The following RNF212B variants were observed in gnomAD, a reference collection of about 807,000 sequenced individuals.
The protein encoded by RNF212B is E3 ubiquitin-protein ligase RNF212B.
RNF212B carries 52 observed loss-of-function variants against 55.5 expected under a neutral mutation model. That is an observed-to-expected ratio of 0.94 (90% CI 0.75 to 1.18). The LOEUF (loss-of-function observed/expected upper bound fraction) is 1.18, where lower values mean the gene tolerates loss of function less well. Ranked by LOEUF, RNF212B falls within the 50% of genes most tolerant of loss-of-function variation. The pLI is 0.00. For synonymous variants in RNF212B, 99 were observed against 121.4 expected (o/e 0.82, Z 1.21); for missense variants, 289 against 350.4 (o/e 0.82, Z 1.40).
chr14:23,207,806 G>T (rs1879994279), intron 2 of RNF212B, among the ~76,000 whole-genome samples: 1 of 152,154 alleles, frequency 6.6e-6, no homozygotes, highest in Non-Finnish European at 1.5e-5. Flanking sequence ...GGTGGTCGGG[G>T]TACAGCTTAG....
intron 2 of RNF212B, among the ~76,000 whole-genome samples, chr14:23,206,221 C>T (rs35188230): frequency 0.12 from 18,022 of 152,058 alleles, 1,341 homozygotes; most frequent in East Asian, 0.35. Flanking sequence ...ATTATAGGTG[C>T]ACACCACCAT....
rs372974382 is a variant in RNF212B at position 23,257,014 on chromosome 14, G to A, written c.229-1535G>A. Among the ~76,000 whole-genome samples the A allele has an allele frequency of 1.8e-4, 28 of 152,106 alleles. No individual in the cohort carries two copies. In the East Asian group the frequency reaches 4.9e-3, roughly 26 times the overall value. On this transcript the variant is annotated intron_variant, in intron 4 of 14. Coordinates refer to ENST00000430154, the MANE Select transcript of RNF212B (RefSeq NM_001282322.3). The stretch of plus-strand genomic sequence containing the variant: ...TTAAAAATACAAATATTAGCCAGGC[G>A]TGGTGGCGGACGCCTGTAATCCCAG...
intron 2 of RNF212B, among the ~76,000 whole-genome samples, chr14:23,229,234 ATATATATATATAT>A (rs1882327675): frequency 3.0e-5 from 2 of 67,112 alleles, no homozygotes; most frequent in African/African-American, 1.0e-4. Flanking sequence ...ATATATATAT[ATATATATATATAT>A]ATATATATAT....
intron 2 of RNF212B, among the ~76,000 whole-genome samples, chr14:23,220,234 A>C (rs893805627): frequency 3.0e-5 from 4 of 134,292 alleles, no homozygotes; most frequent in African/African-American, 8.0e-5. Context: ...AAACAAAAAC[A>C]AAAACCATAC....
chr14:23,268,964 G>T lies in RNF212B; in HGVS notation c.674+1G>T, dbSNP rs1292031685. 6.5e-7 allele frequency: 1 copy of T among 1,549,174 alleles called. No individual in the cohort carries two copies. The highest frequency in any genetic ancestry group is 2.0e-5 in the Admixed American group (1 of 50,978). On this transcript the variant is annotated splice_donor_variant, in intron 12 of 14. Transcript: ENST00000430154. LOFTEE classifies it high-confidence loss of function. Reference sequence around the variant, plus strand: ...CTTCAACTCATAGCCTATCTTATAGGTCAGTAACACTATGCTTCCTTTTTC... The same window carrying T: ...CTTCAACTCATAGCCTATCTTATAGTTCAGTAACACTATGCTTCCTTTTTC...
intron 1 of RNF212B, among the ~76,000 whole-genome samples, chr14:23,191,867 A>G (rs1220797406): frequency 6.6e-6 from 1 of 152,208 alleles, no homozygotes; most frequent in Non-Finnish European, 1.5e-5. Flanking sequence ...TTCGATATTC[A>G]TTGTATATTG....
Position 23,271,958 on chromosome 14 carries a change from C to T in RNF212B, c.835-865C>T, listed in dbSNP as rs748940095. On this transcript the variant is annotated intron_variant, in intron 14 of 14. Transcript: ENST00000430154. ...AAATAGCCTTTCTCTTTTATAGGTACATACTAAAGTATTTATGGATGGAAA... is the reference window on the plus strand; with the variant it reads ...AAATAGCCTTTCTCTTTTATAGGTATATACTAAAGTATTTATGGATGGAAA... 4.4e-4 allele frequency among the ~76,000 whole-genome samples: 67 copies of T among 152,218 alleles called. 1 individual carries two copies. Among genetic ancestry groups the T allele is most frequent in the South Asian group, 1.9e-3 (9 of 4,822 alleles).
At chr14:23,237,048 C>A (rs905230192), upstream of RNF212B, among the ~76,000 whole-genome samples, 1 of 149,628 alleles carries the variant, frequency 6.7e-6, no homozygotes, top group Non-Finnish European at 1.5e-5. Context: ...ACTGCAGCCT[C>A]GACCCCGTGG....
chr14:23,197,891 T>C (rs1304116089), intron 2 of RNF212B, among the ~76,000 whole-genome samples: 2 of 151,758 alleles, frequency 1.3e-5, no homozygotes, highest in African/African-American at 2.4e-5. Flanking sequence ...TCATAGGATT[T>C]GGGAAGGTAA....
chr14:23,226,315 AAT>A (rs1339511517), intron 2 of RNF212B, among the ~76,000 whole-genome samples: 4 of 139,252 alleles, frequency 2.9e-5, no homozygotes, highest in African/African-American at 1.2e-4. Context: ...AAAAAAAAAA[AAT>A]TAAATAAATA....
At chr14:23,197,756 T>G (rs1237837080) in intron 2 of RNF212B, among the ~76,000 whole-genome samples, 1 of 150,092 alleles carries the variant, frequency 6.7e-6, no homozygotes, top group African/African-American at 2.5e-5. Flanking sequence ...ATCTACCTAT[T>G]TCCCCCTTCT....
At chr14:23,250,576 T>A (rs1262495904) in intron 4 of RNF212B, among the ~76,000 whole-genome samples, 4 of 152,228 alleles carry the variant, frequency 2.6e-5, no homozygotes, top group African/African-American at 9.6e-5. Flanking sequence ...CCTAGTGTTT[T>A]ACTTATTAGT....
intron 2 of RNF212B, among the ~76,000 whole-genome samples, chr14:23,222,164 T>C (rs983085388): frequency 5.3e-5 from 8 of 151,264 alleles, no homozygotes; most frequent in Non-Finnish European, 1.2e-4. Context: ...GAATTTGACA[T>C]GAAGAAAACA....
intron 2 of RNF212B, among the ~76,000 whole-genome samples, chr14:23,232,784 TGG>T (rs575105903): frequency 5.2e-5 from 5 of 96,538 alleles, no homozygotes; most frequent in African/African-American, 1.8e-4. Flanking sequence ...GGGAGGGAGG[TGG>T]GGGGGGGGTC....
Position 23,264,671 on chromosome 14 carries a change from G to A in RNF212B, c.634G>A (p.Glu212Lys). 7.7e-7 allele frequency: 1 copy of A among 1,302,884 alleles called. No individual in the cohort carries two copies. Among genetic ancestry groups the A allele is most frequent in the South Asian group, 2.9e-5 (1 of 34,804 alleles). The allele number at this position is 1,302,884 out of a possible 1,614,324, so 80.7% of individuals were successfully genotyped here. The change falls in exon 11 of 15, where the codon GAA (glutamate) becomes AAA (lysine). Residue 212 changes from glutamate to lysine, a missense_variant and splice_region_variant. Transcript: ENST00000430154. ...GRRTPRDSYN[E>K]TPSPASTHSL... is the part of the protein sequence containing the mutation. ...GAGAACTCCCAGAGACTCTTATAAT[G>A]GTGAGGTGGGGGGAAAAGGGTGTCA...
chr14:23,254,247 T>A (rs1884620302), intron 4 of RNF212B, among the ~76,000 whole-genome samples: 1 of 150,598 alleles, frequency 6.6e-6, no homozygotes, highest in South Asian at 2.1e-4. Context: ...AACAAACCCC[T>A]GCACTCCAGC....
At chr14:23,272,555 A>G in intron 14 of RNF212B, 1 of 446,118 alleles carries the variant, frequency 2.2e-6, no homozygotes, top group Non-Finnish European at 4.0e-6. Flanking sequence ...TGGTAGTCAT[A>G]TGTCCCAGAT....
chr14:23,232,769 C>T (rs1401851710), intron 2 of RNF212B, among the ~76,000 whole-genome samples: 5 of 142,358 alleles, frequency 3.5e-5, no homozygotes, highest in Non-Finnish European at 7.7e-5. Context: ...CCAGCCGCCC[C>T]GTCTGGGAGG....
At chr14:23,201,243 G>T (rs1349290731) in intron 2 of RNF212B, among the ~76,000 whole-genome samples, 1 of 152,124 alleles carries the variant, frequency 6.6e-6, no homozygotes, top group Non-Finnish European at 1.5e-5. Context: ...GCACTCAAGA[G>T]CACCTGTTAT....
Sources: gnomAD v4.1 joint callset for allele counts (sites outside exome capture counted in the v4.1 genomes callset) on GRCh38, gnomAD v4.1.1 for gene constraint, MANE v1.5 for transcripts, NCBI Gene and HGNC (gene_info 2026-07-23, HGNC 2026-07-21) for gene names.